Variants in DCLK1 observed in about 807,000 individuals in gnomAD.
DCLK1 encodes the protein serine/threonine-protein kinase DCLK1.
DCLK1 carries 16 observed loss-of-function variants against 86.2 expected under a neutral mutation model. The observed-to-expected ratio is 0.19, with a 90% CI of 0.13 to 0.28. The LOEUF (loss-of-function observed/expected upper bound fraction) is 0.28, where lower values mean the gene tolerates loss of function less well. DCLK1 is among the 10% of genes least tolerant of loss of function. DCLK1 has a pLI of 1.00. For synonymous variants in DCLK1, 369 were observed against 370.5 expected (o/e 1.00, Z 0.05); for missense variants, 590 against 940.2 (o/e 0.63, Z 4.87).
intron 4 of DCLK1, among the ~76,000 whole-genome samples, chr13:35,917,493 C>T (rs973290000): frequency 2.0e-5 from 3 of 152,100 alleles, no homozygotes; most frequent in African/African-American, 7.2e-5. Context: ...CAAGCAATCC[C>T]GTCCTACCTC....
intron 4 of DCLK1, among the ~76,000 whole-genome samples, chr13:35,894,023 C>T (rs1873799047): frequency 6.6e-6 from 1 of 152,070 alleles, no homozygotes; most frequent in Non-Finnish European, 1.5e-5. Flanking sequence ...ATAAAATCAC[C>T]TTCAAGCTTA....
At chr13:35,822,019 T>C (rs1028341500) in intron 11 of DCLK1, among the ~76,000 whole-genome samples, 1 of 152,020 alleles carries the variant, frequency 6.6e-6, no homozygotes, top group Non-Finnish European at 1.5e-5. Context: ...AAACCAATTA[T>C]AATTTTTTTT....
chr13:35,947,586 G>A (rs1877455611), intron 3 of DCLK1, 129 bp from the exon 4 acceptor site: 1 of 597,220 alleles, frequency 1.7e-6, no homozygotes. Flanking sequence ...CTTCCACAGA[G>A]GAATTTCAAA....
chr13:35,847,723 GTA>G (rs139327867), intron 6 of DCLK1: 1,553 of 829,828 alleles, frequency 1.9e-3, no homozygotes, highest in South Asian at 2.2e-3. Context: ...GTTATGTAGG[GTA>G]TATATATATA....
chr13:36,077,966 T>C (rs1364692599), intron 3 of DCLK1, among the ~76,000 whole-genome samples: 1 of 152,222 alleles, frequency 6.6e-6, no homozygotes. Flanking sequence ...AGTAATTTAG[T>C]AAGATAGTCC....
Position 35,936,962 on chromosome 13 carries a change from CTTT to C in DCLK1, c.823+10393_823+10395del, listed in dbSNP as rs140269668. On this transcript the variant is annotated intron_variant, in intron 4 of 16. Coordinates refer to ENST00000360631, the MANE Select transcript of DCLK1 (RefSeq NM_001330071.2). Reference sequence around the variant, plus strand: ...TTAAAACATCCAAAAGAAAAGTTAGCTTTTTTTTTTTTTTTTTTTTTTTTTGAG... The same window carrying C: ...TTAAAACATCCAAAAGAAAAGTTAGCTTTTTTTTTTTTTTTTTTTTTTGAG... Among the ~76,000 whole-genome samples the C allele has an allele frequency of 1.5e-4, 10 of 65,724 alleles. No homozygotes were observed. The East Asian group carries it at 1.9e-3, about 12-fold the overall frequency. 43.1% of individuals were successfully genotyped at this position (65,724 alleles called of 152,430 possible).
chr13:36,022,567 GAAGAGTAA>G (rs1475798011), intron 3 of DCLK1, among the ~76,000 whole-genome samples: 1 of 151,988 alleles, frequency 6.6e-6, no homozygotes, highest in African/African-American at 2.4e-5. Context: ...ATACTAAGAT[GAAGAGTAA>G]AAGAGGGGTC....
At chr13:35,907,013 G>A (rs1874724146) in intron 4 of DCLK1, among the ~76,000 whole-genome samples, 2 of 152,154 alleles carry the variant, frequency 1.3e-5, no homozygotes, top group Non-Finnish European at 2.9e-5. Flanking sequence ...GTGTCACCTA[G>A]TAGCTGCTGA....
chr13:35,912,931 A>G lies in DCLK1; in HGVS notation c.823+34427T>C, dbSNP rs531773448. On this transcript the variant is annotated intron_variant, in intron 4 of 16. Coordinates refer to ENST00000360631, the MANE Select transcript of DCLK1 (RefSeq NM_001330071.2). ...TGGTCTGGCTGAGGGGCCTACAGAG[A>G]GTCTGCTCCTGCTGGCGCCCAGAGT... is the stretch of plus-strand genomic sequence containing the variant. 3.9e-5 allele frequency among the ~76,000 whole-genome samples: 6 copies of G among 152,286 alleles called. No individual in the cohort carries two copies. The South Asian group carries it at 1.2e-3, about 32-fold the overall frequency.
In DCLK1 at chr13:35,982,537, A is replaced by G. The variant is rs958312030; in HGVS notation, c.724-35080T>C. Among the ~76,000 whole-genome samples, 3 of 152,020 alleles carry G rather than the reference A, an allele frequency of 2.0e-5. No homozygotes were observed. The South Asian group carries it at 6.2e-4, about 32-fold the overall frequency. ...GTGAAGTCAGGATACCTAAAGTTCC[A>G]TTAATTTCTAAAACCAGAGTGGGCC... On this transcript the variant is annotated intron_variant, in intron 3 of 16. Transcript: ENST00000360631.
intron 3 of DCLK1, among the ~76,000 whole-genome samples, chr13:36,072,174 A>T (rs1566669463): frequency 1.3e-5 from 2 of 152,158 alleles, no homozygotes; most frequent in Admixed American, 1.3e-4. Flanking sequence ...TGTCAAGATC[A>T]TCAGACACCC....
intron 3 of DCLK1, among the ~76,000 whole-genome samples, chr13:36,098,574 T>C (rs1207263507): frequency 6.6e-6 from 1 of 152,188 alleles, no homozygotes; most frequent in Non-Finnish European, 1.5e-5. Context: ...AAAAAAGTAA[T>C]TTTAAGACCT....
chr13:35,830,143 T>G (rs1004998012), intron 8 of DCLK1, among the ~76,000 whole-genome samples: 1 of 152,130 alleles, frequency 6.6e-6, no homozygotes, highest in African/African-American at 2.4e-5. Context: ...CCCAGCACTT[T>G]GGGAGGCCAA....
intron 4 of DCLK1, among the ~76,000 whole-genome samples, chr13:35,879,847 C>T (rs969395656): frequency 6.6e-6 from 1 of 152,126 alleles, no homozygotes; most frequent in African/African-American, 2.4e-5. Flanking sequence ...TAGTGGTGTC[C>T]TTGGCCTCAC....
intron 11 of DCLK1, among the ~76,000 whole-genome samples, chr13:35,816,303 T>C (rs758315942): frequency 6.6e-6 from 1 of 152,196 alleles, no homozygotes; most frequent in African/African-American, 2.4e-5. Flanking sequence ...ACACTGTTCA[T>C]ATTTTGGGAC....
intron 3 of DCLK1, among the ~76,000 whole-genome samples, chr13:35,956,656 T>C (rs1317591283): frequency 6.6e-6 from 1 of 152,306 alleles, no homozygotes; most frequent in African/African-American, 2.4e-5. Flanking sequence ...GCAGGAGTCA[T>C]AAACACAGGA....
intron 3 of DCLK1, among the ~76,000 whole-genome samples, chr13:36,021,093 G>T (rs1373458658): frequency 6.6e-6 from 1 of 152,064 alleles, no homozygotes; most frequent in African/African-American, 2.4e-5. Flanking sequence ...TATAATTTGT[G>T]TGACAATAAT....
intron 4 of DCLK1, among the ~76,000 whole-genome samples, chr13:35,902,698 G>A (rs190261935): frequency 1.8e-4 from 27 of 152,224 alleles, no homozygotes; most frequent in Admixed American, 9.8e-4. Flanking sequence ...TTCTTAAGGC[G>A]GTGGGGGGTG....
In DCLK1 at chr13:36,070,882, C is replaced by A. The variant is rs151265458; in HGVS notation, c.723+40987G>T. Among the ~76,000 whole-genome samples the A allele has an allele frequency of 3.5e-3, 527 of 152,126 alleles. 2 individuals carry two copies. The highest frequency in any genetic ancestry group is 6.0e-3 in the Non-Finnish European group (408 of 67,988). ...GGTCTCTCTAACTCCTGACCTCAGGCAATCCACCCACCTCAGCCTCCCAAA... is the reference window on the plus strand; with the variant it reads ...GGTCTCTCTAACTCCTGACCTCAGGAAATCCACCCACCTCAGCCTCCCAAA... On this transcript the variant is annotated intron_variant, in intron 3 of 16. Transcript: ENST00000360631.
Sources: allele counts gnomAD v4.1 joint callset (sites outside exome capture counted in the v4.1 genomes callset), GRCh38; gene constraint gnomAD v4.1.1; transcripts MANE v1.5; gene names NCBI Gene and HGNC (gene_info 2026-07-23, HGNC 2026-07-21).